Variants in ZZEF1 observed in about 807,000 individuals in gnomAD.
ZZEF1 encodes zinc finger ZZ-type and EF-hand domain containing 1.
ZZEF1 carries 157 observed loss-of-function variants against 342.8 expected under a neutral mutation model. That is an observed-to-expected ratio of 0.46 (90% confidence interval 0.40 to 0.52). The LOEUF (loss-of-function observed/expected upper bound fraction) is 0.52, where lower values mean the gene tolerates loss of function less well. ZZEF1 is among the 20% of genes least tolerant of loss of function. The pLI is 0.00. For synonymous variants in ZZEF1, 1,505 were observed against 1,429.1 expected, an observed-to-expected ratio of 1.05 and a Z score of -1.20; for missense variants, 3,480 against 3,725.6, an observed-to-expected ratio of 0.93 and a Z score of 1.72.
At chr17:4,023,236 T>G (rs2056316189) in intron 43 of ZZEF1, among the ~76,000 whole-genome samples, 1 of 152,170 alleles carries the variant, frequency 6.6e-6, no homozygotes, top group Non-Finnish European at 1.5e-5. Flanking sequence ...ATCTATCGGT[T>G]CAAATTTTAC....
chr17:4,033,408 C>A (rs959602385), intron 40 of ZZEF1: 2 of 166,430 alleles, frequency 1.2e-5, no homozygotes, highest in South Asian at 1.6e-4. Flanking sequence ...GGTGTAATGG[C>A]GCGATCTCTG....
In ZZEF1 at chr17:4,066,008, GA is replaced by G. The variant is rs141052089; in HGVS notation, c.4249+438del. On this transcript the variant is annotated intron_variant, in intron 28 of 54. Transcript: ENST00000381638. ...TGCTTAACACAGGCGATACAAAGAG[GA>G]AAAAAAAATTTGCCAGGTGTTGTGG... Among the ~76,000 whole-genome samples the G allele has an allele frequency of 3.3e-4, 50 of 151,276 alleles. 2 individuals are homozygous for G. In the East Asian group the frequency reaches 8.0e-3, roughly 24 times the overall value.
At position 4,076,877 on chromosome 17, in the gene ZZEF1, A is replaced by T; in HGVS notation, c.3102T>A (p.Ala1034=). The T allele has an allele frequency of 6.2e-7, 1 of 1,614,150 alleles. No homozygotes were observed. The highest frequency in any genetic ancestry group is 8.5e-7 in the Non-Finnish European group (1 of 1,179,988). Residue 1034 remains alanine (A), a synonymous_variant, in exon 20 of 55, where the codon GCT becomes GCA. Coordinates refer to ENST00000381638, the MANE Select transcript of ZZEF1 (RefSeq NM_015113.4). ...RLCNSVFSMA[A]RQLVIFLLDF... ...TGCTAGTTTTTCTTACCAGTTGACG[A>T]GCTGCCATTGAAAACACTGAGTTAC... is the stretch of plus-strand genomic sequence containing the variant.
intron 42 of ZZEF1, among the ~76,000 whole-genome samples, chr17:4,027,805 G>A (rs747558497): frequency 2.0e-5 from 3 of 151,936 alleles, no homozygotes; most frequent in African/African-American, 4.8e-5. Context: ...GTCTAGCTAT[G>A]CTGCCCAGGC....
At chr17:4,023,714 C>T (rs2144997755) in intron 43 of ZZEF1, among the ~76,000 whole-genome samples, 1 of 151,448 alleles carries the variant, frequency 6.6e-6, no homozygotes, top group South Asian at 2.1e-4. Flanking sequence ...TGTGGTTAGT[C>T]CCAGCTACTT....
intron 43 of ZZEF1, among the ~76,000 whole-genome samples, chr17:4,024,189 T>TTTTTTTTTTTTTTG (rs2056345930): frequency 8.1e-6 from 1 of 123,758 alleles, no homozygotes; most frequent in Non-Finnish European, 1.6e-5. Flanking sequence ...TGCCCAGGTT[T>TTTTTTTTTTTTTTG]TTTTTTTTTT....
chr17:4,119,046 T>C (rs569192015), intron 2 of ZZEF1, among the ~76,000 whole-genome samples: 4 of 152,356 alleles, frequency 2.6e-5, no homozygotes, highest in Non-Finnish European at 4.4e-5. Flanking sequence ...TGAGGGTATA[T>C]TGCTGGCCTT....
chr17:4,096,893 T>C (rs1240886008), intron 9 of ZZEF1, among the ~76,000 whole-genome samples, 193 bp from the exon 10 acceptor site: 1 of 152,100 alleles, frequency 6.6e-6, no homozygotes, highest in Non-Finnish European at 1.5e-5. Context: ...AGCAGAGAAC[T>C]GACCAGGTTC....
intron 52 of ZZEF1, among the ~76,000 whole-genome samples, chr17:4,013,079 A>C (rs1284727929): frequency 2.1e-5 from 3 of 146,256 alleles, no homozygotes; most frequent in Admixed American, 6.9e-5. Context: ...ACAGAGTGAG[A>C]CTCTGTCTCA....
chr17:4,085,834 A>C, intron 15 of ZZEF1, 31 bp from the exon 16 acceptor site: 1 of 1,611,502 alleles, frequency 6.2e-7, no homozygotes, highest in Non-Finnish European at 8.5e-7. Flanking sequence ...ATCAGCTTTC[A>C]TATATTCCAT....
chr17:4,019,704 T>C lies in ZZEF1; in HGVS notation c.7470A>G (p.Lys2490=). Residue 2490 remains lysine (K), a synonymous_variant, in exon 46 of 55, where the codon AAA becomes AAG. Coordinates refer to ENST00000381638, the MANE Select transcript of ZZEF1 (RefSeq NM_015113.4). ...ILRAIYELQM[K]KTDYFFLEVQ... is the part of the protein sequence containing the mutation. ...CCTCCAGGAAGAAATAATCGGTCTT[T>C]TTCATCTGCAGTTCGTATATGGCCC... 2 of 1,613,182 alleles carry C rather than the reference T, an allele frequency of 1.2e-6. No individual in the cohort carries two copies. The highest frequency in any genetic ancestry group is 1.7e-6 in the Non-Finnish European group (2 of 1,179,802).
intron 24 of ZZEF1, 76 bp from the exon 25 acceptor site, chr17:4,072,832 A>T (rs1254194664): frequency 2.1e-6 from 3 of 1,433,548 alleles, no homozygotes; most frequent in Non-Finnish European, 2.8e-6. Flanking sequence ...GAGAAAGAAA[A>T]GGTTAAAAAA....
In ZZEF1 at chr17:4,044,243, G is replaced by A. The variant is rs148640985; in HGVS notation, c.6147C>T (p.Ser2049=). 3.8e-4 allele frequency: 612 copies of A among 1,614,030 alleles called. No homozygotes were observed. Among genetic ancestry groups the A allele is most frequent in the Middle Eastern group, 8.2e-4 (5 of 6,062 alleles). Residue 2049 remains serine, a synonymous_variant, in exon 38 of 55, where the codon AGC becomes AGT. Coordinates refer to ENST00000381638, the MANE Select transcript of ZZEF1 (RefSeq NM_015113.4). The stretch of plus-strand genomic sequence containing the variant: ...CTTTACCTGGAAGTCCTGTAGGTGG[G>A]CTAGCATCTGCAGGTGAATCTGAAA... ...TQISDSPADA[S]PPTGLPDAED... is the part of the protein sequence containing the mutation.
intron 9 of ZZEF1, among the ~76,000 whole-genome samples, chr17:4,100,618 G>A (rs146699700): frequency 3.0e-4 from 46 of 152,274 alleles, no homozygotes; most frequent in African/African-American, 1.1e-3. Context: ...GGTGGCTCAC[G>A]AGGTCAGGAG....
In ZZEF1 at chr17:4,142,917, T is replaced by G. The variant is rs990217583; in HGVS notation, c.-22A>C. Reference sequence around the variant, plus strand: ...CCATGGGGTCTCCGTCTTGGGCGCCTGGCTCTGCAGCCGCCGCCGCCGCCT... The same window carrying G: ...CCATGGGGTCTCCGTCTTGGGCGCCGGGCTCTGCAGCCGCCGCCGCCGCCT... On this transcript the variant is annotated 5_prime_UTR_variant, in exon 1 of 55. Coordinates refer to ENST00000381638, the MANE Select transcript of ZZEF1 (RefSeq NM_015113.4). 7 of 1,306,502 alleles carry G rather than the reference T, an allele frequency of 5.4e-6. No homozygotes were observed. Among genetic ancestry groups the G allele is most frequent in the Non-Finnish European group, 6.8e-6 (7 of 1,031,538 alleles). The allele number at this position is 1,306,502 out of a possible 1,614,324, so 80.9% of individuals were successfully genotyped here. A position where few individuals can be genotyped will look rare whatever the true frequency, so the allele number is the denominator to read the frequency against.
At chr17:4,102,034 C>G (rs972697784) in intron 9 of ZZEF1, among the ~76,000 whole-genome samples, 3 of 152,028 alleles carry the variant, frequency 2.0e-5, no homozygotes, top group Non-Finnish European at 4.4e-5. Context: ...ACAATTGGAA[C>G]TGAAAAAACG....
At chr17:4,041,745 T>C (rs2056808121) in intron 39 of ZZEF1, among the ~76,000 whole-genome samples, 1 of 152,094 alleles carries the variant, frequency 6.6e-6, no homozygotes, top group Admixed American at 6.6e-5. Context: ...TGCAAAAGAA[T>C]AACGAAGGCA....
At chr17:4,044,493 T>G in intron 37 of ZZEF1, 119 bp from the exon 38 acceptor site, 1 of 824,632 alleles carries the variant, frequency 1.2e-6, no homozygotes, top group Non-Finnish European at 1.9e-6. Context: ...TGAATGCCAT[T>G]AGAAAATGCC....
At position 4,090,926 on chromosome 17, in the gene ZZEF1, T is replaced by C. The variant is rs1416083308; in HGVS notation, c.1914-96A>G. 4 of 910,140 alleles carry C rather than the reference T, an allele frequency of 4.4e-6. No individual in the cohort carries two copies. In the East Asian group the frequency reaches 7.7e-5, roughly 18 times the overall value. The allele number at this position is 910,140 out of a possible 1,614,324, so 56.4% of individuals were successfully genotyped here. A position where few individuals can be genotyped will look rare whatever the true frequency, so the allele number is the denominator to read the frequency against. On this transcript the variant is annotated intron_variant, in intron 11 of 54. Transcript: ENST00000381638. ...ATCTAAGTGACATGTAACTTGTATCTGTAGCCTGTCAGTGAACAATCGAGA... is the reference window on the plus strand; with the variant it reads ...ATCTAAGTGACATGTAACTTGTATCCGTAGCCTGTCAGTGAACAATCGAGA...
Sources: gnomAD v4.1 joint callset for allele counts (sites outside exome capture counted in the v4.1 genomes callset) on GRCh38, gnomAD v4.1.1 for gene constraint, MANE v1.5 for transcripts, NCBI Gene and HGNC (gene_info 2026-07-23, HGNC 2026-07-21) for gene names.